The following CDKL1 variants were observed in gnomAD, a reference collection of about 807,000 sequenced individuals.
CDKL1 encodes cyclin-dependent kinase-like 1.
In CDKL1, 41 loss-of-function variants were observed where a neutral mutation model predicts 42.0. The ratio of observed to expected loss-of-function variants is 0.98; its 90% CI spans 0.76 to 1.27. The LOEUF is 1.27. Among genes scored for constraint, CDKL1 ranks in the 50% most tolerant of loss-of-function variants. The pLI is 0.00. For synonymous variants in CDKL1, 153 were observed against 158.6 expected (o/e 0.96, Z 0.26); for missense variants, 394 against 428.4 (o/e 0.92, Z 0.71).
intron 2 of CDKL1, chr14:50,378,519 G>A (rs2034802500): frequency 2.8e-6 from 3 of 1,057,010 alleles, no homozygotes; most frequent in South Asian, 3.0e-5. Context: ...CCTGCAGACA[G>A]TTCTTTTTTA....
chr14:50,380,730 A>G (rs2034879127), intron 2 of CDKL1, among the ~76,000 whole-genome samples: 1 of 152,168 alleles, frequency 6.6e-6, no homozygotes, highest in Non-Finnish European at 1.5e-5. Context: ...ACAGAGTGGA[A>G]GAAAACCCTC....
chr14:50,336,173 A>G lies in CDKL1; in HGVS notation c.739-1552T>C, dbSNP rs759951042. ...CCATCTGTGAGCGTTTCACAGCCCC[A>G]GAAGCAAGCAGGCCTCCCTCTGTCA... On this transcript the variant is annotated intron_variant, in intron 7 of 9. Transcript: ENST00000395834. 5.9e-6 allele frequency: 8 copies of G among 1,362,186 alleles called. No homozygotes were observed. In the South Asian group the frequency reaches 9.2e-5, roughly 16 times the overall value. 84.4% of individuals were successfully genotyped at this position (1,362,186 alleles called of 1,614,324 possible).
rs577923499 is a variant in CDKL1, at chr14:50,329,875, T to C, written c.*199A>G. On this transcript the variant is annotated 3_prime_UTR_variant, in exon 10 of 10. Coordinates refer to ENST00000395834, the MANE Select transcript of CDKL1 (RefSeq NM_004196.7). ...TGCAACTCCAAACAGGTTTTTTCTTTTCTGGACACCATCATCAAGCATGGA... is the reference window on the plus strand; with the variant it reads ...TGCAACTCCAAACAGGTTTTTTCTTCTCTGGACACCATCATCAAGCATGGA... The C allele has an allele frequency of 4.9e-6, 3 of 611,630 alleles. No individual in the cohort carries two copies. In the Admixed American group the frequency reaches 1.1e-4, roughly 23 times the overall value. 37.9% of individuals were successfully genotyped at this position (611,630 alleles called of 1,614,324 possible).
At chr14:50,384,565 T>C (rs865975958) in intron 2 of CDKL1, among the ~76,000 whole-genome samples, 2 of 151,990 alleles carry the variant, frequency 1.3e-5, no homozygotes, top group African/African-American at 4.8e-5. Flanking sequence ...TGTGTGATAA[T>C]TGAGAGTCAG....
rs905954345 is a variant in CDKL1 at position 50,329,309 on chromosome 14, A to G, written c.*765T>C. The stretch of plus-strand genomic sequence containing the variant: ...CTGCAAAGCCTGTAGGTCTTGCTCT[A>G]CCCTTTGACTGCCTTAATCAGCTGC... On this transcript the variant is annotated 3_prime_UTR_variant, in exon 10 of 10. Transcript: ENST00000395834. 2 of 152,120 alleles carry G rather than the reference A, an allele frequency of 1.3e-5. No homozygotes were observed. Among genetic ancestry groups the G allele is most frequent in the Non-Finnish European group, 2.9e-5 (2 of 68,026 alleles). 9.4% of individuals were successfully genotyped at this position (152,120 alleles called of 1,614,324 possible). A position where few individuals can be genotyped will look rare whatever the true frequency, so the allele number is the denominator to read the frequency against.
At chr14:50,372,172 G>A (rs1215638749) in intron 2 of CDKL1, among the ~76,000 whole-genome samples, 3 of 152,198 alleles carry the variant, frequency 2.0e-5, no homozygotes, top group Non-Finnish European at 4.4e-5. Flanking sequence ...GGAGTGCAGT[G>A]GAGAGATCTC....
intron 2 of CDKL1, among the ~76,000 whole-genome samples, chr14:50,392,033 A>G (rs1239970331): frequency 1.2e-4 from 19 of 152,306 alleles, no homozygotes. Context: ...CCACTCACAC[A>G]GCTCTTGTCA....
At chr14:50,378,249 C>T (rs1409966526) in intron 2 of CDKL1, 1 of 1,366,368 alleles carries the variant, frequency 7.3e-7, no homozygotes. Flanking sequence ...TCCTTAGATT[C>T]TACCCCACCT....
At chr14:50,397,118 C>T (rs779400448), upstream of CDKL1, 24 of 1,363,990 alleles carry the variant, frequency 1.8e-5, no homozygotes, top group Non-Finnish European at 2.3e-5. Context: ...TTCCGCAGGC[C>T]GTGCAAAGCG....
At chr14:50,331,925 C>T in intron 9 of CDKL1, 1 of 1,057,166 alleles carries the variant, frequency 9.5e-7, no homozygotes, top group South Asian at 1.7e-5. Flanking sequence ...TGACACAGAA[C>T]TGCATGGGGA....
intron 2 of CDKL1, among the ~76,000 whole-genome samples, chr14:50,367,546 C>T (rs1047111421): frequency 2.0e-5 from 3 of 152,138 alleles, no homozygotes; most frequent in Non-Finnish European, 2.9e-5. Context: ...TCTTTCGGGA[C>T]GTACAAACGA....
intron 2 of CDKL1, among the ~76,000 whole-genome samples, chr14:50,386,369 G>C (rs1478243966): frequency 6.6e-6 from 1 of 152,186 alleles, no homozygotes; most frequent in Non-Finnish European, 1.5e-5. Context: ...AGGATTTCAA[G>C]AATACAGTGA....
upstream of CDKL1, chr14:50,397,153 A>C (rs1321599394): frequency 7.3e-7 from 1 of 1,366,232 alleles, no homozygotes; most frequent in South Asian, 1.1e-5. Context: ...TCTGCGGAGC[A>C]AGACGCCTGC....
At chr14:50,383,347 C>T (rs889289800) in intron 2 of CDKL1, among the ~76,000 whole-genome samples, 9 of 151,948 alleles carry the variant, frequency 5.9e-5, no homozygotes, top group Admixed American at 4.6e-4. Context: ...GTCAGGAGTT[C>T]GAGACCAGCC....
intron 3 of CDKL1, among the ~76,000 whole-genome samples, chr14:50,358,634 G>GCCTTTTTTTTTT (rs2034133222): frequency 4.4e-5 from 2 of 45,122 alleles, no homozygotes; most frequent in South Asian, 1.1e-3. Flanking sequence ...TTTTTAACTA[G>GCCTTTTTTTTTT]TCTTTTTTTT....
chr14:50,378,337 G>A (rs896004853), intron 2 of CDKL1: 5 of 1,366,332 alleles, frequency 3.7e-6, no homozygotes, highest in Admixed American at 3.8e-5. Context: ...CTTGCTCTGC[G>A]AGGAAATAAC....
chr14:50,391,687 T>C (rs1239989547), intron 2 of CDKL1, among the ~76,000 whole-genome samples: 2 of 152,142 alleles, frequency 1.3e-5, no homozygotes, highest in Non-Finnish European at 2.9e-5. Context: ...CTGGCCTAAA[T>C]TGTCTTTTTT....
intron 7 of CDKL1, among the ~76,000 whole-genome samples, chr14:50,338,477 C>A (rs989520113): frequency 7.9e-5 from 12 of 152,128 alleles, no homozygotes; most frequent in Admixed American, 5.9e-4. Context: ...AGGTCTCCTG[C>A]CCATCTCGGC....
intron 6 of CDKL1, among the ~76,000 whole-genome samples, chr14:50,339,624 T>C (rs2033440553): frequency 6.6e-6 from 1 of 152,186 alleles, no homozygotes; most frequent in Non-Finnish European, 1.5e-5. Flanking sequence ...GACCATCTTT[T>C]CTTATTTCAC....
Sources: gnomAD v4.1 joint callset for allele counts (sites outside exome capture counted in the v4.1 genomes callset) on GRCh38, gnomAD v4.1.1 for gene constraint, MANE v1.5 for transcripts, NCBI Gene and HGNC (gene_info 2026-07-23, HGNC 2026-07-21) for gene names.